Variants in AQR observed in about 807,000 individuals in gnomAD.
AQR encodes the protein aquarius intron-binding spliceosomal factor, also known as RNA helicase aquarius.
Under a neutral mutation model 180.5 loss-of-function variants are expected in AQR, and 61 were observed. The observed-to-expected ratio is 0.34, with a 90% confidence interval of 0.28 to 0.42. The LOEUF is 0.42. AQR is among the 10% of genes least tolerant of loss of function. The probability of loss-of-function intolerance (pLI) is 1.00; values close to 1 mark genes in which losing one functional copy is unlikely to be tolerated. For missense variants in AQR, 1,281 were observed against 1,798.3 expected (o/e 0.71, Z 5.20); for synonymous variants, 551 against 588.8 (o/e 0.94, Z 0.93).
At chr15:34,878,564 A>G (rs900716687) in intron 27 of AQR, among the ~76,000 whole-genome samples, 4 of 152,190 alleles carry the variant, frequency 2.6e-5, no homozygotes, top group African/African-American at 9.7e-5. Flanking sequence ...TCATTCTGAT[A>G]CATTTCCTTC....
Position 34,906,655 on chromosome 15 carries a change from C to T in AQR, c.1721G>A (p.Gly574Asp). The T allele has an allele frequency of 6.2e-7, 1 of 1,614,000 alleles. No homozygotes were observed. The highest frequency in any genetic ancestry group is 1.1e-5 in the South Asian group (1 of 91,072). The stretch of plus-strand genomic sequence containing the variant: ...AGGTCTCCTCCGGTCAAACTTAGTG[C>T]CATAAGGTTTTGTGGGACGTACGGT... The part of the protein sequence containing the change: ...LITVRPTKPY[G>D]TKFDRRRPFI... The change falls in exon 18 of 35, where the codon GGC (glycine) becomes GAC (aspartate). Residue 574 changes from glycine to aspartate, a missense_variant. Gly to Asp is a moderately conservative substitution (Grantham distance 94, BLOSUM62 -1). This residue lies in a region of AQR where 200 missense variants were observed against 293.4 expected (regional missense o/e 0.68). Transcript: ENST00000156471.
At chr15:34,876,279 T>C (rs189281296) in intron 27 of AQR, among the ~76,000 whole-genome samples, 117 of 152,350 alleles carry the variant, frequency 7.7e-4, no homozygotes, top group African/African-American at 2.7e-3. Context: ...ATATCATTTC[T>C]TGAATTGCAA....
At chr15:34,955,650 G>C (rs898723027) in intron 3 of AQR, among the ~76,000 whole-genome samples, 1 of 152,184 alleles carries the variant, frequency 6.6e-6, no homozygotes, top group African/African-American at 2.4e-5. Context: ...GCTCACGTCT[G>C]TAATCCCAGC....
intron 13 of AQR, among the ~76,000 whole-genome samples, chr15:34,921,127 CTTTTACT>C (rs1893677772): frequency 6.6e-6 from 1 of 152,080 alleles, no homozygotes; most frequent in Non-Finnish European, 1.5e-5. Flanking sequence ...TTGCACACAA[CTTTTACT>C]TTAAAAAACA....
intron 19 of AQR, among the ~76,000 whole-genome samples, chr15:34,901,075 C>T (rs1893325414): frequency 6.6e-6 from 1 of 152,128 alleles, no homozygotes; most frequent in Non-Finnish European, 1.5e-5. Flanking sequence ...AAAGACCAAA[C>T]TTAGCAAGAA....
intron 26 of AQR, 133 bp downstream of exon 26, chr15:34,884,392 C>T (rs1411253588): frequency 1.6e-5 from 12 of 766,872 alleles, no homozygotes; most frequent in Non-Finnish European, 2.4e-5. Context: ...GGCAACAGGG[C>T]AAGACTCCGT....
chr15:34,960,682 A>C, intron 3 of AQR, 92 bp downstream of exon 3: 1 of 582,872 alleles, frequency 1.7e-6, no homozygotes, highest in South Asian at 1.9e-5. Flanking sequence ...AAACAGAAAA[A>C]GGGTTCAAGT....
chr15:34,912,884 C>T (rs1893521527), intron 16 of AQR, among the ~76,000 whole-genome samples: 1 of 152,138 alleles, frequency 6.6e-6, no homozygotes, highest in Non-Finnish European at 1.5e-5. Context: ...AAAATTGTAG[C>T]ACTTCATAAC....
intron 9 of AQR, among the ~76,000 whole-genome samples, chr15:34,937,505 T>C (rs781305609): frequency 3.3e-5 from 5 of 152,192 alleles, no homozygotes; most frequent in Non-Finnish European, 5.9e-5. Context: ...AGCTGTACTT[T>C]CTGATGCAAA....
At chr15:34,958,458 A>G (rs1283604825) in intron 3 of AQR, among the ~76,000 whole-genome samples, 1 of 152,130 alleles carries the variant, frequency 6.6e-6, no homozygotes, top group African/African-American at 2.4e-5. Context: ...AGAGGTTGCA[A>G]TGAGCTGAGA....
chr15:34,901,569 T>C (rs1486415962), intron 19 of AQR, among the ~76,000 whole-genome samples: 2 of 152,198 alleles, frequency 1.3e-5, no homozygotes, highest in African/African-American at 2.4e-5. Context: ...ATCTCACATA[T>C]AGAAATTTGG....
chr15:34,941,149 T>C lies in AQR; in HGVS notation c.541-150A>G, dbSNP rs932476773. On this transcript the variant is annotated intron_variant, in intron 7 of 34. Transcript: ENST00000156471. ...AAATAACATGACAAACCCTGAAAAT[T>C]AAGAAATGAATAACGATATTTTAAA... is the stretch of plus-strand genomic sequence containing the variant. 7.8e-6 allele frequency: 4 copies of C among 509,930 alleles called. No homozygotes were observed. The Admixed American group carries it at 1.6e-4, about 21-fold the overall frequency. The allele number at this position is 509,930 out of a possible 1,614,324, so 31.6% of individuals were successfully genotyped here.
chr15:34,934,368 C>T (rs1893914036), intron 10 of AQR, among the ~76,000 whole-genome samples: 1 of 146,830 alleles, frequency 6.8e-6, no homozygotes, highest in Non-Finnish European at 1.5e-5. Flanking sequence ...ACATATTTAC[C>T]TTTAATATAT....
intron 19 of AQR, among the ~76,000 whole-genome samples, chr15:34,901,725 C>T (rs116134508): frequency 0.018 from 2,761 of 152,270 alleles, 76 homozygotes; most frequent in African/African-American, 0.058. Context: ...CTTACACTTA[C>T]CAGTACCTGA....
chr15:34,969,441 C>A, intron 1 of AQR, 98 bp downstream of exon 1: 2 of 1,256,250 alleles, frequency 1.6e-6, no homozygotes, highest in Non-Finnish European at 2.3e-6. Context: ...ACGAATGCCT[C>A]CTCCGGACTC....
At chr15:34,967,033 C>A (rs1400032176) in intron 1 of AQR, among the ~76,000 whole-genome samples, 2 of 151,848 alleles carry the variant, frequency 1.3e-5, no homozygotes, top group African/African-American at 2.4e-5. Context: ...TGCACCACCA[C>A]GTCCGGCTAA....
chr15:34,969,336 G>A (rs889988354), intron 1 of AQR, among the ~76,000 whole-genome samples: 1 of 152,160 alleles, frequency 6.6e-6, no homozygotes, highest in Non-Finnish European at 1.5e-5. Context: ...CCCAGGGCAG[G>A]GCAGCTTCTT....
chr15:34,867,294 T>TAC (rs1892749315), intron 32 of AQR, among the ~76,000 whole-genome samples: 2 of 152,134 alleles, frequency 1.3e-5, no homozygotes, highest in Admixed American at 1.3e-4. Context: ...CTCTGAGGGT[T>TAC]ACTAAAGGGT....
intron 8 of AQR, among the ~76,000 whole-genome samples, chr15:34,940,320 C>T (rs1398832423): frequency 1.3e-5 from 2 of 152,116 alleles, no homozygotes; most frequent in South Asian, 2.1e-4. Flanking sequence ...CACCTAAGGT[C>T]GGGAGTTTGA....
Sources: gnomAD v4.1 joint callset for allele counts (sites outside exome capture counted in the v4.1 genomes callset) on GRCh38, gnomAD v4.1.1 for gene constraint, gnomAD v4.1.1 regional missense constraint, MANE v1.5 for transcripts, NCBI Gene and HGNC (gene_info 2026-07-23, HGNC 2026-07-21) for gene names.